LMNA: variants seen among roughly 807,000 people sequenced by gnomAD.
LMNA encodes lamin A/C.
Under a neutral mutation model 70.4 loss-of-function variants are expected in LMNA, and 20 were observed. The ratio of observed to expected loss-of-function variants is 0.28; its 90% CI spans 0.20 to 0.41. The LOEUF (loss-of-function observed/expected upper bound fraction) is 0.41. Ranked by LOEUF, LMNA falls within the 10% of genes least tolerant of loss-of-function variation. LMNA has a pLI of 1.00. For missense variants in LMNA, 652 were observed against 917.2 expected (o/e 0.71, Z 3.73); for synonymous variants, 339 against 372.8 (o/e 0.91, Z 1.04).
chr1:156,130,145 C>T (rs1020254917), intron 1 of LMNA, among the ~76,000 whole-genome samples: 1 of 152,074 alleles, frequency 6.6e-6, no homozygotes, highest in Non-Finnish European at 1.5e-5. Context: ...GGGCTCAGAT[C>T]GAGAAGTGCT....
chr1:156,128,370 G>C (rs575277149), intron 1 of LMNA, among the ~76,000 whole-genome samples: 3 of 152,184 alleles, frequency 2.0e-5, no homozygotes, highest in Non-Finnish European at 4.4e-5. Context: ...GTCAGTGTCT[G>C]CCAGGCACTG....
Position 156,138,460 on chromosome 1 carries a change from C to A in LMNA, c.1699-28C>A. 6.2e-7 allele frequency: 1 copy of A among 1,607,760 alleles called. No homozygotes were observed. Among genetic ancestry groups the A allele is most frequent in the African/African-American group, 1.3e-5 (1 of 74,930 alleles). On this transcript the variant is annotated intron_variant, in intron 10 of 11. Transcript: ENST00000368300. The surrounding 1 kb of genome is among the most constrained non-coding windows in gnomAD (Gnocchi z 5.5). ...GAGTGGTCAGTCCCAGACTCGCCGT[C>A]CCGCCTGAGCCTTGTCTCCCTTCCC...
chr1:156,116,842 G>A (rs1384418212), intron 1 of LMNA, among the ~76,000 whole-genome samples: 2 of 152,046 alleles, frequency 1.3e-5, no homozygotes, highest in African/African-American at 4.8e-5. Context: ...AGGATTACAG[G>A]CATGAGCCAC....
At position 156,138,674 on chromosome 1, in the gene LMNA, G is replaced by T. The variant is rs1288315740; in HGVS notation, c.1885G>T (p.Val629Leu). 6.2e-7 allele frequency: 1 copy of T among 1,613,712 alleles called. No homozygotes were observed. The highest frequency in any genetic ancestry group is 1.7e-5 in the Admixed American group (1 of 60,020). Residue 629 changes from valine (V) to leucine (L), a missense_variant, in exon 11 of 12, where the codon GTG becomes TTG. Coordinates refer to ENST00000368300, the MANE Select transcript of LMNA (RefSeq NM_170707.4). This position sits in a 1 kb window ranked among gnomAD's most constrained non-coding sequence, Gnocchi z 5.5. ...SVTVTRSYRS[V>L]GGSGGGSFGD... Reference sequence around the variant, plus strand: ...CACGGTCACTCGCAGCTACCGCAGTGTGGGGGGCAGTGGGGGTGGCAGCTT... The same window carrying T: ...CACGGTCACTCGCAGCTACCGCAGTTTGGGGGGCAGTGGGGGTGGCAGCTT...
chr1:156,106,396 C>A (rs1187120439), intron 3 of LMNA, among the ~76,000 whole-genome samples: 2 of 152,208 alleles, frequency 1.3e-5, no homozygotes, highest in Non-Finnish European at 2.9e-5. Flanking sequence ...GAAAGGAAAC[C>A]CCCATTTAGG....
Position 156,103,238 on chromosome 1 carries a change from C to T in LMNA, c.-206-11475C>T, listed in dbSNP as rs146541053. On this transcript the variant is annotated intron_variant, in intron 3 of 12. Coordinates refer to the LMNA transcript ENST00000368301. This position sits in a 1 kb window ranked among gnomAD's most constrained non-coding sequence, Gnocchi z 4.7. Reference sequence around the variant, plus strand: ...AGCTTCCTCTTTGTGTCCTGCCTACCAGTCCTTCCCGCCCATCTCTGCATC... The same window carrying T: ...AGCTTCCTCTTTGTGTCCTGCCTACTAGTCCTTCCCGCCCATCTCTGCATC... Among the ~76,000 whole-genome samples the T allele has an allele frequency of 2.1e-3, 322 of 152,322 alleles. 2 individuals are homozygous for T. Among genetic ancestry groups the T allele is most frequent in the African/African-American group, 6.6e-3 (276 of 41,562 alleles).
At chr1:156,124,985 A>G (rs1299767044) in intron 1 of LMNA, among the ~76,000 whole-genome samples, 4 of 152,104 alleles carry the variant, frequency 2.6e-5, no homozygotes, top group Admixed American at 2.6e-4. Flanking sequence ...ATCTGCTGTG[A>G]GTGTCCTCAG....
chr1:156,126,431 G>C (rs1200827064), intron 1 of LMNA: 1 of 622,354 alleles, frequency 1.6e-6, no homozygotes, highest in African/African-American at 1.9e-5. Flanking sequence ...AAACAGGCCT[G>C]TGGCCGGCCC....
At chr1:156,116,976 C>T (rs912268699) in intron 1 of LMNA, among the ~76,000 whole-genome samples, 4 of 151,536 alleles carry the variant, frequency 2.6e-5, no homozygotes, top group African/African-American at 9.7e-5. Context: ...TGAAGTGGTG[C>T]GATCTTGGCT....
In LMNA at chr1:156,093,299, A is replaced by ATT. The variant is rs758670532; in HGVS notation, c.-207+2742_-207+2743dup. 8.4e-4 allele frequency among the ~76,000 whole-genome samples: 96 copies of ATT among 113,938 alleles called. 5 individuals are homozygous for ATT. The highest frequency in any genetic ancestry group is 3.0e-3 in the African/African-American group (76 of 25,364). The allele number at this position is 113,938 out of a possible 152,430, so 74.7% of individuals were successfully genotyped here. A position where few individuals can be genotyped will look rare whatever the true frequency, so the allele number is the denominator to read the frequency against. On this transcript the variant is annotated intron_variant, in intron 3 of 12. Transcript: ENST00000368301. ...CTTGCAGGACTCAATTTATATGTCA[A>ATT]TTTTTTTTTTTTTTTTTTTTTTTTT...
intron 3 of LMNA, among the ~76,000 whole-genome samples, chr1:156,093,392 T>G (rs2102791927): frequency 1.3e-5 from 2 of 149,482 alleles, no homozygotes; most frequent in Middle Eastern, 6.8e-3. Context: ...CTGCACCCTC[T>G]GCCTCCTGGC....
intron 2 of LMNA, among the ~76,000 whole-genome samples, chr1:156,084,330 G>GGGGA (rs1553259238): frequency 1.1e-5 from 1 of 90,072 alleles, no homozygotes; most frequent in African/African-American, 6.8e-5. Context: ...CAGAAGGTCG[G>GGGGA]GGGGTGGTGG....
intron 1 of LMNA, among the ~76,000 whole-genome samples, chr1:156,126,000 A>C (rs1650540821): frequency 6.6e-6 from 1 of 152,148 alleles, no homozygotes; most frequent in South Asian, 2.1e-4. Context: ...ATAATAAATG[A>C]AAAATTTTAA....
At chr1:156,131,515 G>A (rs1156615805) in intron 2 of LMNA, among the ~76,000 whole-genome samples, 1 of 152,130 alleles carries the variant, frequency 6.6e-6, no homozygotes, top group Non-Finnish European at 1.5e-5. Context: ...GCTTGAACCT[G>A]AGAGGTCGAG....
At chr1:156,084,707 T>G (rs576261258) in intron 2 of LMNA, among the ~76,000 whole-genome samples, 1 of 152,264 alleles carries the variant, frequency 6.6e-6, no homozygotes, top group Non-Finnish European at 1.5e-5. Context: ...TAAATAGAAA[T>G]AGCAAACAGT....
chr1:156,110,866 C>T (rs1649510254), upstream of LMNA, among the ~76,000 whole-genome samples: 1 of 151,970 alleles, frequency 6.6e-6, no homozygotes, highest in South Asian at 2.1e-4. Context: ...ATCCCAGCAA[C>T]CCTTGAGGCT....
At chr1:156,083,963 T>C (rs932442982) in intron 2 of LMNA, among the ~76,000 whole-genome samples, 4 of 152,216 alleles carry the variant, frequency 2.6e-5, no homozygotes, top group African/African-American at 9.7e-5. Context: ...TTTCTGCATT[T>C]ATTTTATATC....
At chr1:156,094,642 C>T (rs987341406) in intron 3 of LMNA, among the ~76,000 whole-genome samples, 1 of 152,204 alleles carries the variant, frequency 6.6e-6, no homozygotes, top group Non-Finnish European at 1.5e-5. Context: ...AGCCACCGCA[C>T]CTGGCCAAGG....
At position 156,139,851 on chromosome 1, in the gene LMNA, G is replaced by C. The variant is rs1415866902; in HGVS notation, c.*745G>C. 7 of 1,510,646 alleles carry C rather than the reference G, an allele frequency of 4.6e-6. No individual in the cohort carries two copies. The highest frequency in any genetic ancestry group is 6.2e-6 in the Non-Finnish European group (7 of 1,134,648). 93.6% of individuals were successfully genotyped at this position (1,510,646 alleles called of 1,614,324 possible). On this transcript the variant is annotated 3_prime_UTR_variant, in exon 12 of 12. Coordinates refer to ENST00000368300, the MANE Select transcript of LMNA (RefSeq NM_170707.4). ...GCTGCCTTCCCTAGCTTTAGACCCT[G>C]GGTGGGCTCTGTGCAGTCACTGGAG...
Sources: gnomAD v4.1 joint callset for allele counts (sites outside exome capture counted in the v4.1 genomes callset) on GRCh38, gnomAD v4.1.1 for gene constraint, Gnocchi (gnomAD v3.1) non-coding constraint, MANE v1.5 for transcripts, NCBI Gene and HGNC (gene_info 2026-07-23, HGNC 2026-07-21) for gene names.